Variants in NCALD observed in about 807,000 individuals in gnomAD.
The protein encoded by NCALD is neurocalcin delta, also known as neurocalcin-delta.
NCALD carries 10 observed loss-of-function variants against 18.6 expected under a neutral mutation model. The observed-to-expected ratio is 0.54, with a 90% CI of 0.33 to 0.91. NCALD has a LOEUF of 0.91. Among genes scored for constraint, NCALD ranks in the 40% least tolerant of loss-of-function variants. The pLI is 0.03. For missense variants in NCALD, 184 were observed against 247.6 expected (o/e 0.74, Z 1.72); for synonymous variants, 88 against 87.4 (o/e 1.01, Z -0.04).
At chr8:101,737,129 T>TC (rs1809958114) in intron 1 of NCALD, among the ~76,000 whole-genome samples, 1 of 150,294 alleles carries the variant, frequency 6.7e-6, no homozygotes, top group Non-Finnish European at 1.5e-5. Flanking sequence ...CAACAGTTCT[T>TC]TTTTTTTTAG....
At chr8:101,831,940 C>T (rs531168136) in intron 4 of NCALD, among the ~76,000 whole-genome samples, 4 of 152,354 alleles carry the variant, frequency 2.6e-5, no homozygotes, top group African/African-American at 7.2e-5. Flanking sequence ...CACAGAGCAG[C>T]TCTTTTCTTA....
intron 1 of NCALD, among the ~76,000 whole-genome samples, chr8:102,028,469 A>C (rs1248747824): frequency 6.6e-6 from 1 of 152,246 alleles, no homozygotes; most frequent in African/African-American, 2.4e-5. Context: ...TGCACTAGCC[A>C]CTGAGGGGGA....
At chr8:102,114,595 G>C (rs1825730445) in intron 1 of NCALD, among the ~76,000 whole-genome samples, 2 of 152,200 alleles carry the variant, frequency 1.3e-5, no homozygotes, top group African/African-American at 4.8e-5. Context: ...GGAGAGGATA[G>C]CTGCAGGCGC....
chr8:101,710,669 G>T (rs998405294), intron 2 of NCALD, among the ~76,000 whole-genome samples: 10 of 152,226 alleles, frequency 6.6e-5, no homozygotes, highest in Non-Finnish European at 1.5e-4. Context: ...ACTGGGCAGA[G>T]CCCACCGCAG....
rs561382694 is a variant in NCALD at position 101,777,366 on chromosome 8, T to C, written c.-20+13496A>G. On this transcript the variant is annotated intron_variant, in intron 1 of 3. Coordinates refer to ENST00000220931, the MANE Select transcript of NCALD (RefSeq NM_032041.3). ...ACAGAAAATTGTAGAACTGTATGGT[T>C]AGTGGTCTAATTTAGGTTTGTATTT... Among the ~76,000 whole-genome samples, 4 of 152,264 alleles carry C rather than the reference T, an allele frequency of 2.6e-5. No homozygotes were observed. In the South Asian group the frequency reaches 8.3e-4, roughly 32 times the overall value.
At chr8:102,050,863 AATT>A (rs1823430198) in intron 1 of NCALD, among the ~76,000 whole-genome samples, 1 of 146,308 alleles carries the variant, frequency 6.8e-6, no homozygotes, top group Admixed American at 6.8e-5. Flanking sequence ...TAATTAATTT[AATT>A]AATTTTTAAT....
intron 4 of NCALD, among the ~76,000 whole-genome samples, chr8:101,825,333 C>CA (rs1167538309): frequency 6.6e-6 from 1 of 152,240 alleles, no homozygotes; most frequent in Non-Finnish European, 1.5e-5. Flanking sequence ...CAGCATCTTC[C>CA]AGTCTAGTTC....
intron 2 of NCALD, among the ~76,000 whole-genome samples, chr8:102,006,304 G>T (rs976729212): frequency 1.3e-5 from 2 of 151,610 alleles, no homozygotes; most frequent in Non-Finnish European, 2.9e-5. Flanking sequence ...TGTTTTCATT[G>T]GTTCTCTTTT....
intron 1 of NCALD, among the ~76,000 whole-genome samples, chr8:101,753,381 G>A (rs1034830121): frequency 6.6e-6 from 1 of 152,148 alleles, no homozygotes; most frequent in Admixed American, 6.5e-5. Flanking sequence ...TTAGGAACTG[G>A]ACCTGTAGAG....
chr8:101,791,464 A>G (rs1231257424), upstream of NCALD, among the ~76,000 whole-genome samples: 1 of 152,144 alleles, frequency 6.6e-6, no homozygotes, highest in Non-Finnish European at 1.5e-5. Context: ...TTGGAAGAAA[A>G]TGTATTTTAA....
At chr8:101,691,877 C>G (rs961909882) in intron 3 of NCALD, 91 of 985,264 alleles carry the variant, frequency 9.2e-5, no homozygotes, top group Non-Finnish European at 1.1e-4. Context: ...CAAGAATTGC[C>G]GAGGCCTCTG....
At chr8:101,712,222 T>C (rs1436555117) in intron 2 of NCALD, among the ~76,000 whole-genome samples, 1 of 152,170 alleles carries the variant, frequency 6.6e-6, no homozygotes, top group Non-Finnish European at 1.5e-5. Flanking sequence ...CTAAGGGATT[T>C]TGTCACCACC....
intron 1 of NCALD, among the ~76,000 whole-genome samples, chr8:102,044,627 T>C (rs140380644): frequency 6.6e-6 from 1 of 152,206 alleles, no homozygotes; most frequent in Non-Finnish European, 1.5e-5. Context: ...TTCCCCAAAA[T>C]AATTTAGCAT....
intron 1 of NCALD, among the ~76,000 whole-genome samples, chr8:102,107,217 TATATATATATATATATATATATAC>T (rs1242334383): frequency 1.5e-4 from 19 of 126,522 alleles, no homozygotes; most frequent in Non-Finnish European, 2.7e-4. Flanking sequence ...TATATATATA[TATATATATATATATATATATATAC>T]ACATAGAAAT....
intron 4 of NCALD, among the ~76,000 whole-genome samples, chr8:101,884,119 G>T (rs1364215356): frequency 2.0e-5 from 3 of 152,144 alleles, no homozygotes; most frequent in Admixed American, 2.0e-4. Context: ...TTAGTAAGCT[G>T]CATGTTCCCT....
intron 4 of NCALD, among the ~76,000 whole-genome samples, chr8:101,819,278 T>TA (rs1050078775): frequency 1.3e-5 from 2 of 149,900 alleles, no homozygotes; most frequent in African/African-American, 4.9e-5. Context: ...TTTATTTATT[T>TA]ATTTATTTAT....
intron 4 of NCALD, among the ~76,000 whole-genome samples, chr8:101,881,499 T>C (rs1471173433): frequency 6.6e-6 from 1 of 152,210 alleles, no homozygotes; most frequent in African/African-American, 2.4e-5. Flanking sequence ...TTTTTCTCTC[T>C]GTTATTCTCA....
At chr8:101,997,679 G>A (rs979215010) in intron 2 of NCALD, among the ~76,000 whole-genome samples, 1 of 152,152 alleles carries the variant, frequency 6.6e-6, no homozygotes. Flanking sequence ...CACTGAATCT[G>A]CTGCAACTGG....
chr8:101,966,101 TA>T (rs147047148), intron 2 of NCALD, among the ~76,000 whole-genome samples: 5,473 of 149,346 alleles, frequency 0.037, 230 homozygotes, highest in East Asian at 0.1. Context: ...AATACTCTGA[TA>T]AAAAAAAGAA....
Sources: gnomAD v4.1 joint callset for allele counts (sites outside exome capture counted in the v4.1 genomes callset) on GRCh38, gnomAD v4.1.1 for gene constraint, MANE v1.5 for transcripts, NCBI Gene and HGNC (gene_info 2026-07-23, HGNC 2026-07-21) for gene names.